TNRC6A: variants seen among roughly 807,000 people sequenced by gnomAD.
TNRC6A encodes the protein trinucleotide repeat containing adaptor 6A.
Under a neutral mutation model 221.2 loss-of-function variants are expected in TNRC6A, and 44 were observed. The observed-to-expected ratio is 0.20, with a 90% confidence interval of 0.16 to 0.26. The LOEUF (loss-of-function observed/expected upper bound fraction) is 0.26. Ranked by LOEUF, TNRC6A falls within the 10% of genes least tolerant of loss-of-function variation. The pLI is 1.00. For missense variants in TNRC6A, 2,199 were observed against 2,404.4 expected (o/e 0.91, Z 1.79); for synonymous variants, 847 against 838.5 (o/e 1.01, Z -0.18).
intron 2 of TNRC6A, among the ~76,000 whole-genome samples, chr16:24,642,311 G>A (rs1223458826): frequency 6.6e-6 from 1 of 152,184 alleles, no homozygotes; most frequent in Non-Finnish European, 1.5e-5. Context: ...TGGAAAATCT[G>A]AGAGCATCTG....
chr16:24,799,287 C>T (rs1268459834), intron 11 of TNRC6A, among the ~76,000 whole-genome samples: 1 of 152,168 alleles, frequency 6.6e-6, no homozygotes, highest in Non-Finnish European at 1.5e-5. Context: ...AAAATTGGAG[C>T]TAGAGGAAAT....
intron 1 of TNRC6A, among the ~76,000 whole-genome samples, chr16:24,622,816 T>C (rs930069537): frequency 6.6e-6 from 1 of 152,214 alleles, no homozygotes; most frequent in Non-Finnish European, 1.5e-5. Context: ...GAACTACCAT[T>C]ATTATCATGA....
At chr16:24,634,351 G>A (rs991793961) in intron 1 of TNRC6A, among the ~76,000 whole-genome samples, 3 of 151,950 alleles carry the variant, frequency 2.0e-5, no homozygotes, top group Non-Finnish European at 4.4e-5. Flanking sequence ...GATCCTTTAA[G>A]CCCAGGAGGC....
At position 24,818,717 on chromosome 16, in the gene TNRC6A, C is replaced by T; in HGVS notation, c.5080+17C>T. The T allele has an allele frequency of 1.3e-6, 2 of 1,595,530 alleles. No individual in the cohort carries two copies. Among genetic ancestry groups the T allele is most frequent in the East Asian group, 4.5e-5 (2 of 44,786 alleles). Reference sequence around the variant, plus strand: ...GCACTTCAGGTGGGCCTCGCCTTCGCTCAGGAAGGGAGGGTTGGTCACAGC... The same window carrying T: ...GCACTTCAGGTGGGCCTCGCCTTCGTTCAGGAAGGGAGGGTTGGTCACAGC... On this transcript the variant is annotated intron_variant, in intron 21 of 24. Coordinates refer to ENST00000395799, the MANE Select transcript of TNRC6A (RefSeq NM_014494.4).
intron 2 of TNRC6A, among the ~76,000 whole-genome samples, chr16:24,718,650 G>A (rs1031102667): frequency 1.3e-5 from 2 of 152,168 alleles, no homozygotes; most frequent in African/African-American, 4.8e-5. Context: ...TCTATAGAAT[G>A]TAGCCATTCA....
At chr16:24,638,902 C>A (rs1166128624) in intron 1 of TNRC6A, among the ~76,000 whole-genome samples, 3 of 152,112 alleles carry the variant, frequency 2.0e-5, no homozygotes, top group African/African-American at 4.8e-5. Context: ...ATAAACTCAG[C>A]AGACATCAAA....
rs1032304532 is a variant in TNRC6A at position 24,788,939 on chromosome 16, C to T, written c.590-293C>T. Among the ~76,000 whole-genome samples the T allele has an allele frequency of 7.2e-5, 11 of 152,284 alleles. No homozygotes were observed. The East Asian group carries it at 1.2e-3, about 16-fold the overall frequency. ...CTGGGATTACAAGCGTGAGCCACCA[C>T]GCCCGGCCCAAAATTCTTTTATTTA... On this transcript the variant is annotated intron_variant, in intron 5 of 24. Coordinates refer to ENST00000395799, the MANE Select transcript of TNRC6A (RefSeq NM_014494.4).
chr16:24,717,595 G>C (rs531002205), intron 2 of TNRC6A, among the ~76,000 whole-genome samples: 1 of 152,216 alleles, frequency 6.6e-6, no homozygotes, highest in African/African-American at 2.4e-5. Flanking sequence ...ATTTGCATTT[G>C]TCAGATAAAG....
intron 8 of TNRC6A, 194 bp from the exon 9 acceptor site, chr16:24,795,713 A>G (rs181958612): frequency 4.7e-5 from 22 of 468,442 alleles, no homozygotes; most frequent in East Asian, 1.3e-4. Context: ...CATGTTTTAC[A>G]TAAGTCATTT....
chr16:24,669,010 C>G (rs1023360898), intron 2 of TNRC6A, among the ~76,000 whole-genome samples: 7 of 151,796 alleles, frequency 4.6e-5, no homozygotes, highest in African/African-American at 1.7e-4. Context: ...GCAAGTGATG[C>G]TAATTTCACA....
chr16:24,788,890 C>T (rs1313377865), intron 5 of TNRC6A, among the ~76,000 whole-genome samples: 1 of 152,168 alleles, frequency 6.6e-6, no homozygotes, highest in East Asian at 1.9e-4. Flanking sequence ...CCTCGTGATC[C>T]ACCCACCTCG....
intron 2 of TNRC6A, among the ~76,000 whole-genome samples, chr16:24,688,099 ATT>A (rs368284938): frequency 7.0e-6 from 1 of 143,410 alleles, no homozygotes; most frequent in African/African-American, 2.5e-5. Flanking sequence ...TGCCCTGCTA[ATT>A]TTTTTTTTTT....
At chr16:24,805,408 T>C (rs2058409689) in intron 14 of TNRC6A, 197 bp from the exon 15 acceptor site, 2 of 896,672 alleles carry the variant, frequency 2.2e-6, no homozygotes, top group Admixed American at 2.9e-5. Context: ...TAGTTTAAGA[T>C]GCACCTCTGT....
upstream of TNRC6A, among the ~76,000 whole-genome samples, chr16:24,725,872 C>T (rs749337827): frequency 1.3e-5 from 2 of 151,850 alleles, no homozygotes; most frequent in Non-Finnish European, 2.9e-5. Context: ...TAGTGGCACA[C>T]GTCTGTAATC....
At chr16:24,818,142 C>T (rs746040839) in intron 20 of TNRC6A, among the ~76,000 whole-genome samples, 7 of 152,110 alleles carry the variant, frequency 4.6e-5, no homozygotes, top group Non-Finnish European at 8.8e-5. Flanking sequence ...CTGAATATAT[C>T]GCGTAATGGA....
chr16:24,698,365 C>T (rs2055904285), intron 2 of TNRC6A, among the ~76,000 whole-genome samples: 1 of 151,920 alleles, frequency 6.6e-6, no homozygotes. Context: ...GGATTAAATG[C>T]CATTTGAGGC....
At chr16:24,645,411 G>C (rs1158055797) in intron 2 of TNRC6A, among the ~76,000 whole-genome samples, 1 of 151,726 alleles carries the variant, frequency 6.6e-6, no homozygotes, top group Non-Finnish European at 1.5e-5. Context: ...GGAAGCTTGA[G>C]CCTGGGAGGC....
At chr16:24,627,954 C>T (rs191217834) in intron 1 of TNRC6A, among the ~76,000 whole-genome samples, 1,597 of 151,360 alleles carry the variant, frequency 0.011, 9 homozygotes, top group Middle Eastern at 0.02. Flanking sequence ...GCCTCGGCCT[C>T]CCAAAGTGCT....
chr16:24,680,246 CCTGTCTTTATG>C (rs2055504308), intron 2 of TNRC6A, among the ~76,000 whole-genome samples: 1 of 149,006 alleles, frequency 6.7e-6, no homozygotes, highest in Admixed American at 6.7e-5. Flanking sequence ...ATAGCAAGAC[CCTGTCTTTATG>C]CAGAAAAAAA....
Sources: gnomAD v4.1 joint callset for allele counts (sites outside exome capture counted in the v4.1 genomes callset) on GRCh38, gnomAD v4.1.1 for gene constraint, MANE v1.5 for transcripts, NCBI Gene and HGNC (gene_info 2026-07-23, HGNC 2026-07-21) for gene names.